The following PRDM5 variants were observed in gnomAD, a reference collection of about 807,000 sequenced individuals.
PRDM5 encodes the protein PR domain zinc finger protein 5.
Under a neutral mutation model 81.2 loss-of-function variants are expected in PRDM5, and 56 were observed. The observed-to-expected ratio is 0.69, with a 90% CI of 0.56 to 0.86. The LOEUF (loss-of-function observed/expected upper bound fraction) is 0.86. Among genes scored for constraint, PRDM5 ranks in the 40% least tolerant of loss-of-function variants. The pLI is 0.00. For missense variants in PRDM5, 697 were observed against 770.1 expected, an observed-to-expected ratio of 0.91 and a Z score of 1.12; for synonymous variants, 267 against 256.4, an observed-to-expected ratio of 1.04 and a Z score of -0.39.
At chr4:120,706,333 C>T (rs1013156928) in intron 15 of PRDM5, among the ~76,000 whole-genome samples, 1 of 152,014 alleles carries the variant, frequency 6.6e-6, no homozygotes, top group South Asian at 2.1e-4. Context: ...TGTGTATTTC[C>T]CATATGAGGA....
chr4:120,908,300 T>C (rs989211568), intron 1 of PRDM5, among the ~76,000 whole-genome samples: 4 of 152,176 alleles, frequency 2.6e-5, no homozygotes, highest in African/African-American at 9.6e-5. Context: ...TGGGAATGAG[T>C]TGAATTTGTC....
At chr4:120,738,094 A>C (rs1741380249) in intron 14 of PRDM5, among the ~76,000 whole-genome samples, 1 of 152,230 alleles carries the variant, frequency 6.6e-6, no homozygotes, top group Non-Finnish European at 1.5e-5. Flanking sequence ...TGTGTATTTA[A>C]AACAGCTTTA....
At chr4:120,747,427 AG>A (rs1440485608) in intron 14 of PRDM5, among the ~76,000 whole-genome samples, 1 of 152,120 alleles carries the variant, frequency 6.6e-6, no homozygotes, top group Non-Finnish European at 1.5e-5. Flanking sequence ...TAAAACTTTA[AG>A]TATAATAATA....
At chr4:120,750,241 C>A (rs1187359014) in intron 14 of PRDM5, among the ~76,000 whole-genome samples, 2 of 152,184 alleles carry the variant, frequency 1.3e-5, no homozygotes, top group African/African-American at 4.8e-5. Flanking sequence ...GGCAGAAATG[C>A]TGATAAACCC....
chr4:120,868,818 C>T (rs74499420), intron 2 of PRDM5, among the ~76,000 whole-genome samples: 17,862 of 152,088 alleles, frequency 0.12, 1,287 homozygotes, highest in East Asian at 0.17. Context: ...TAATTCTACA[C>T]TCTCTTTGAC....
At chr4:120,686,829 A>T in intron 1 of PRDM5, among the ~76,000 whole-genome samples, 1 of 152,076 alleles carries the variant, frequency 6.6e-6, no homozygotes, top group Middle Eastern at 3.4e-3. Context: ...AGATACAAAA[A>T]TTTATATTAT....
chr4:120,842,785 C>T (rs1289548924), intron 3 of PRDM5, among the ~76,000 whole-genome samples: 2 of 152,272 alleles, frequency 1.3e-5, no homozygotes, highest in East Asian at 3.9e-4. Flanking sequence ...TTCAATTCTA[C>T]TTCACACTTT....
Position 120,726,218 on chromosome 4 carries a change from G to A in PRDM5, c.1624-15805C>T, listed in dbSNP as rs369770954. ...TTAAGAAAAAATATTTTTACAGAGAGAGCTACTTATAAGCTGTCTAGGTTA... is the reference window on the plus strand; with the variant it reads ...TTAAGAAAAAATATTTTTACAGAGAAAGCTACTTATAAGCTGTCTAGGTTA... On this transcript the variant is annotated intron_variant, in intron 14 of 15. Coordinates refer to ENST00000264808, the MANE Select transcript of PRDM5 (RefSeq NM_018699.4). Among the ~76,000 whole-genome samples the A allele has an allele frequency of 7.2e-5, 11 of 152,172 alleles. 1 individual carries two copies. The highest frequency in any genetic ancestry group is 5.8e-4 in the East Asian group (3 of 5,194).
At chr4:120,777,134 A>G (rs1748276524) in intron 13 of PRDM5, 54 bp downstream of exon 13, 1 of 1,612,302 alleles carries the variant, frequency 6.2e-7, no homozygotes, top group Non-Finnish European at 8.5e-7. Flanking sequence ...CTGTCTTGGA[A>G]GCATGTGATT....
intron 2 of PRDM5, among the ~76,000 whole-genome samples, chr4:120,863,656 C>A (rs1439182648): frequency 2.6e-5 from 4 of 152,102 alleles, no homozygotes; most frequent in African/African-American, 9.7e-5. Flanking sequence ...ATAATAAAGA[C>A]CATTCCCTTT....
intron 8 of PRDM5, among the ~76,000 whole-genome samples, chr4:120,801,596 T>C (rs773204739): frequency 2.6e-5 from 4 of 152,234 alleles, no homozygotes; most frequent in Non-Finnish European, 5.9e-5. Context: ...CCCGCTTAGA[T>C]GCAATGGCAT....
At chr4:120,750,687 TACACAC>T (rs56024428) in intron 14 of PRDM5, among the ~76,000 whole-genome samples, 24,153 of 147,514 alleles carry the variant, frequency 0.16, 2,419 homozygotes, top group East Asian at 0.47. Context: ...TAGTTTCTTT[TACACAC>T]ACACACACAC....
At chr4:120,821,547 A>C (rs957918668) in intron 3 of PRDM5, among the ~76,000 whole-genome samples, 3 of 152,180 alleles carry the variant, frequency 2.0e-5, no homozygotes, top group African/African-American at 7.2e-5. Context: ...ATATGACAAA[A>C]AGTGACATTT....
intron 13 of PRDM5, among the ~76,000 whole-genome samples, chr4:120,766,345 A>T (rs925984282): frequency 6.6e-6 from 1 of 152,234 alleles, no homozygotes; most frequent in African/African-American, 2.4e-5. Context: ...TCAAGAAGGA[A>T]ATAAATAGAA....
At chr4:120,728,213 C>T (rs977027664) in intron 14 of PRDM5, among the ~76,000 whole-genome samples, 2 of 151,844 alleles carry the variant, frequency 1.3e-5, no homozygotes, top group East Asian at 3.9e-4. Flanking sequence ...AGTATCAAGG[C>T]CACAAGCAAT....
At chr4:120,714,518 A>G (rs1737469977) in intron 14 of PRDM5, among the ~76,000 whole-genome samples, 1 of 152,082 alleles carries the variant, frequency 6.6e-6, no homozygotes, top group Non-Finnish European at 1.5e-5. Context: ...CATTTTTGAT[A>G]CAATCTCATT....
downstream of PRDM5, among the ~76,000 whole-genome samples, chr4:120,690,424 C>A (rs925227282): frequency 6.6e-6 from 1 of 152,098 alleles, no homozygotes; most frequent in Non-Finnish European, 1.5e-5. Flanking sequence ...ACAAAGCCAT[C>A]ATCGCGGACT....
chr4:120,821,061 C>T (rs1219580029), intron 4 of PRDM5, 110 bp downstream of exon 4: 38 of 1,276,438 alleles, frequency 3.0e-5, no homozygotes, highest in Admixed American at 8.4e-5. Flanking sequence ...CAAAAACTAA[C>T]TTTATTTGAG....
chr4:120,734,225 G>A (rs1740711624), intron 14 of PRDM5, among the ~76,000 whole-genome samples: 1 of 151,642 alleles, frequency 6.6e-6, no homozygotes, highest in South Asian at 2.1e-4. Context: ...AGGAGCCGCT[G>A]TAGGGGATGG....
Sources: allele counts gnomAD v4.1 joint callset (sites outside exome capture counted in the v4.1 genomes callset), GRCh38; gene constraint gnomAD v4.1.1; transcripts MANE v1.5; gene names NCBI Gene and HGNC (gene_info 2026-07-23, HGNC 2026-07-21).